The following PLCZ1 variants were observed in gnomAD, a reference collection of about 807,000 sequenced individuals.
PLCZ1 encodes the protein phospholipase C zeta 1.
A neutral mutation model predicts 76.8 loss-of-function variants in PLCZ1; 64 were observed. The ratio of observed to expected loss-of-function variants is 0.83; its 90% CI spans 0.68 to 1.03. PLCZ1 has a LOEUF of 1.03. Among genes scored for constraint, PLCZ1 ranks in the 50% least tolerant of loss-of-function variants. PLCZ1 has a pLI of 0.00. For synonymous variants in PLCZ1, 248 were observed against 230.8 expected (o/e 1.07, Z -0.68); for missense variants, 751 against 713.7 (o/e 1.05, Z -0.60).
chr12:18,663,861 A>G, the PLCZ1 span, among the ~76,000 whole-genome samples: 1 of 152,206 alleles, frequency 6.6e-6, no homozygotes, highest in African/African-American at 2.4e-5. Context: ...ATAAGGAATT[A>G]ATATCCAGAA....
intron 12 of PLCZ1, 30 bp downstream of exon 12, chr12:18,694,880 A>T: frequency 6.6e-7 from 1 of 1,524,896 alleles, no homozygotes; most frequent in Non-Finnish European, 9.0e-7. Context: ...TAATAACCAA[A>T]AAATGTAAAA....
chr12:18,725,572 C>G (rs773915428), intron 3 of PLCZ1, among the ~76,000 whole-genome samples: 5 of 152,058 alleles, frequency 3.3e-5, no homozygotes, highest in African/African-American at 4.8e-5. Flanking sequence ...TCTCAACTCC[C>G]TCTTAAAGTT....
chr12:18,723,482 T>G lies in PLCZ1; in HGVS notation c.196A>C (p.Ile66Leu). Reference protein sequence around the residue: ...TIEEFRAIYRIITHREEIIEI... With the variant: ...TIEEFRAIYRLITHREEIIEI... The stretch of plus-strand genomic sequence containing the variant: ...ATAATTTCTTCTCTGTGCGTGATAA[T>G]TCGATAAATTGCTCTAAATTCTTCT... Residue 66 changes from isoleucine (I) to leucine (L), a missense_variant, in exon 4 of 15, where the codon ATT becomes CTT. Physicochemically the swap from Ile to Leu is conservative, Grantham distance 5. Transcript: ENST00000266505. 1.9e-6 allele frequency: 3 copies of G among 1,613,044 alleles called. No homozygotes were observed. The highest frequency in any genetic ancestry group is 2.5e-6 in the Non-Finnish European group (3 of 1,179,470).
At chr12:18,649,109 C>A in the PLCZ1 span, among the ~76,000 whole-genome samples, 3 of 152,046 alleles carry the variant, frequency 2.0e-5, no homozygotes, top group Non-Finnish European at 4.4e-5. Flanking sequence ...TGTTCTTAGT[C>A]TATTACTCTC....
chr12:18,689,886 G>T (rs1432654854), intron 12 of PLCZ1, among the ~76,000 whole-genome samples: 1 of 140,412 alleles, frequency 7.1e-6, no homozygotes, highest in African/African-American at 3.3e-5. Context: ...ATCTGAGCAA[G>T]TCATAAAGTA....
At chr12:18,719,250 T>C (rs754135973) in intron 5 of PLCZ1, among the ~76,000 whole-genome samples, 181 bp downstream of exon 5, 1 of 152,138 alleles carries the variant, frequency 6.6e-6, no homozygotes, top group East Asian at 1.9e-4. Context: ...ATAAATTACG[T>C]TGCCACTTCA....
At chr12:18,689,009 G>A (rs1221605814) in intron 12 of PLCZ1, among the ~76,000 whole-genome samples, 1 of 146,306 alleles carries the variant, frequency 6.8e-6, no homozygotes, top group Non-Finnish European at 1.5e-5. Context: ...AGAAAAGAAA[G>A]GAAAAGAAAA....
At chr12:18,687,556 C>G (rs1953352951) in intron 13 of PLCZ1, among the ~76,000 whole-genome samples, 1 of 152,084 alleles carries the variant, frequency 6.6e-6, no homozygotes, top group Admixed American at 6.6e-5. Context: ...TGATGAAAAT[C>G]TTACCAAAGT....
rs1262353145 is a variant in PLCZ1 at position 18,705,326 on chromosome 12, A to T, written c.715-11T>A. On this transcript the variant is annotated splice_polypyrimidine_tract_variant and intron_variant, in intron 6 of 14. Coordinates refer to ENST00000266505, the MANE Select transcript of PLCZ1 (RefSeq NM_033123.4). ...TGGGTAGTCAGATGTCTAAAAAAGT[A>T]ACCATTACTATGGTTATTCATCAAA... 1 of 1,614,034 alleles carries T rather than the reference A, an allele frequency of 6.2e-7. No homozygotes were observed. Among genetic ancestry groups the T allele is most frequent in the East Asian group, 2.2e-5 (1 of 44,860 alleles).
the PLCZ1 span, among the ~76,000 whole-genome samples, chr12:18,674,672 T>C: frequency 2.4e-4 from 36 of 152,194 alleles, no homozygotes; most frequent in Admixed American, 4.6e-4. Context: ...ACTACTCCCA[T>C]GAAGAGGCAA....
At chr12:18,692,044 A>G (rs2137129242) in intron 12 of PLCZ1, among the ~76,000 whole-genome samples, 1 of 152,296 alleles carries the variant, frequency 6.6e-6, no homozygotes, top group East Asian at 1.9e-4. Flanking sequence ...TGGTGGAAAA[A>G]GGAGCTGAGC....
chr12:18,737,342 A>G lies in PLCZ1; in HGVS notation c.11+19T>C, dbSNP rs757844616. 6.8e-6 allele frequency: 11 copies of G among 1,611,040 alleles called. No individual in the cohort carries two copies. Among genetic ancestry groups the G allele is most frequent in the African/African-American group, 5.3e-5 (4 of 74,860 alleles). ...AGGAGAAAGAAGAAGAGGAGCAGAA[A>G]GAAGCTCTCAATGGATATCTCATTT... is the stretch of plus-strand genomic sequence containing the variant. On this transcript the variant is annotated intron_variant, in intron 2 of 14. Transcript: ENST00000266505.
intron 9 of PLCZ1, among the ~76,000 whole-genome samples, chr12:18,700,495 A>G (rs1955729054): frequency 7.3e-6 from 1 of 136,648 alleles, no homozygotes; most frequent in African/African-American, 2.7e-5. Flanking sequence ...GCGCATAACC[A>G]GATCAGAGCC....
In PLCZ1 at chr12:18,723,770, G is replaced by C. The variant is rs144586737; in HGVS notation, c.136-228C>G. On this transcript the variant is annotated intron_variant, in intron 3 of 14. Coordinates refer to ENST00000266505, the MANE Select transcript of PLCZ1 (RefSeq NM_033123.4). ...TGGTTATAGGGATAAAGAAAGGAAT[G>C]TGGGAGAAAATGAGGATTCCAGGTT... Among the ~76,000 whole-genome samples the C allele has an allele frequency of 4.0e-3, 608 of 152,222 alleles. 3 individuals carry two copies. Among genetic ancestry groups the C allele is most frequent in the African/African-American group, 0.013 (544 of 41,568 alleles).
At chr12:18,650,668 G>A in the PLCZ1 span, among the ~76,000 whole-genome samples, 4 of 13,308 alleles carry the variant, frequency 3.0e-4, no homozygotes, top group African/African-American at 7.1e-4. Context: ...ATATAAATGT[G>A]TGTGTGTGTG....
At chr12:18,718,469 T>C (rs1958219435) in intron 5 of PLCZ1, among the ~76,000 whole-genome samples, 1 of 152,164 alleles carries the variant, frequency 6.6e-6, no homozygotes, top group Non-Finnish European at 1.5e-5. Context: ...ATTAACTGAC[T>C]CTGCCTACCT....
chr12:18,660,623 C>T, the PLCZ1 span, among the ~76,000 whole-genome samples: 1 of 152,120 alleles, frequency 6.6e-6, no homozygotes, highest in Admixed American at 6.6e-5. Flanking sequence ...ATTTATACCT[C>T]AGGCTGGTCC....
chr12:18,737,320 A>G, intron 2 of PLCZ1, 41 bp downstream of exon 2: 1 of 1,590,844 alleles, frequency 6.3e-7, no homozygotes, highest in East Asian at 2.2e-5. Flanking sequence ...GATAAGTAGG[A>G]GAAAGAAGAA....
chr12:18,723,216 A>C, intron 4 of PLCZ1, 95 bp downstream of exon 4: 1 of 1,118,052 alleles, frequency 8.9e-7, no homozygotes, highest in Non-Finnish European at 1.3e-6. Context: ...GATAACCACA[A>C]TTCATAAAAA....
Sources: gnomAD v4.1 joint callset for allele counts (sites outside exome capture counted in the v4.1 genomes callset) on GRCh38, gnomAD v4.1.1 for gene constraint, MANE v1.5 for transcripts, NCBI Gene and HGNC (gene_info 2026-07-23, HGNC 2026-07-21) for gene names.